Variants in RALGPS2 observed in about 807,000 individuals in gnomAD.
RALGPS2 encodes ras-specific guanine nucleotide-releasing factor RalGPS2.
A neutral mutation model predicts 86.8 loss-of-function variants in RALGPS2; 43 were observed. The ratio of observed to expected loss-of-function variants is 0.50; its 90% CI spans 0.39 to 0.64. The LOEUF (loss-of-function observed/expected upper bound fraction) is 0.64, where lower values mean the gene tolerates loss of function less well. Among genes scored for constraint, RALGPS2 ranks in the 30% least tolerant of loss-of-function variants. The probability of loss-of-function intolerance (pLI) is 0.00; values close to 1 mark genes in which losing one functional copy is unlikely to be tolerated. For missense variants in RALGPS2, 536 were observed against 694.6 expected, an observed-to-expected ratio of 0.77 and a Z score of 2.57; for synonymous variants, 243 against 231.3, an observed-to-expected ratio of 1.05 and a Z score of -0.46.
chr1:178,863,238 G>T (rs1276804764), intron 8 of RALGPS2, among the ~76,000 whole-genome samples: 2 of 152,180 alleles, frequency 1.3e-5, no homozygotes, highest in Admixed American at 1.3e-4. Context: ...TCAGTGGACT[G>T]TGTATGGGGC....
intron 15 of RALGPS2, 37 bp from the exon 16 acceptor site, chr1:178,893,882 C>T: frequency 7.3e-7 from 1 of 1,372,182 alleles, no homozygotes; most frequent in Non-Finnish European, 1.0e-6. Context: ...CTATTGTAGA[C>T]AAAAGCTCTT....
At chr1:178,799,110 G>A (rs1277408948) in intron 4 of RALGPS2, among the ~76,000 whole-genome samples, 4 of 152,184 alleles carry the variant, frequency 2.6e-5, no homozygotes, top group South Asian at 2.1e-4. Flanking sequence ...CGCGATCTCC[G>A]CTCACCACAA....
intron 8 of RALGPS2, among the ~76,000 whole-genome samples, chr1:178,871,518 T>TTTTA (rs904796530): frequency 4.7e-5 from 4 of 84,816 alleles, no homozygotes; most frequent in African/African-American, 1.6e-4. Flanking sequence ...TTTGTAAACA[T>TTTTA]TTTACTAAGT....
At chr1:178,769,474 C>T (rs973359901) in intron 1 of RALGPS2, among the ~76,000 whole-genome samples, 2 of 152,006 alleles carry the variant, frequency 1.3e-5, no homozygotes, top group Admixed American at 1.3e-4. Context: ...GGAGATCTGC[C>T]TGGGTATGAA....
chr1:178,848,786 C>T lies in RALGPS2; in HGVS notation c.607+15236C>T, dbSNP rs531007943. Among the ~76,000 whole-genome samples, 271 of 152,276 alleles carry T rather than the reference C, an allele frequency of 1.8e-3. 1 individual carries two copies. The South Asian group carries it at 0.022, about 13-fold the overall frequency. On this transcript the variant is annotated intron_variant, in intron 8 of 19. Coordinates refer to ENST00000367635, the MANE Select transcript of RALGPS2 (RefSeq NM_152663.5). ...TAGCTGGGTTTACAGGCATGTGCCACATCTGGCTAATTTTTGTGTTTTCAG... is the reference window on the plus strand; with the variant it reads ...TAGCTGGGTTTACAGGCATGTGCCATATCTGGCTAATTTTTGTGTTTTCAG...
intron 1 of RALGPS2, among the ~76,000 whole-genome samples, chr1:178,742,060 T>A (rs1322546887): frequency 6.8e-6 from 1 of 146,206 alleles, no homozygotes; most frequent in Non-Finnish European, 1.5e-5. Flanking sequence ...TGCTTGAACC[T>A]GGGAGGCAGA....
intron 1 of RALGPS2, among the ~76,000 whole-genome samples, chr1:178,760,950 A>G (rs757664206): frequency 2.0e-5 from 3 of 150,394 alleles, no homozygotes; most frequent in Non-Finnish European, 4.4e-5. Context: ...GTCAGTTTAC[A>G]TAATCCCATA....
intron 6 of RALGPS2, among the ~76,000 whole-genome samples, chr1:178,817,450 T>G (rs1655287200): frequency 6.6e-6 from 1 of 151,984 alleles, no homozygotes; most frequent in African/African-American, 2.4e-5. Context: ...CTTGATCAAA[T>G]ACGTGTAGGT....
chr1:178,853,949 G>T (rs1657357800), intron 8 of RALGPS2, among the ~76,000 whole-genome samples: 2 of 151,836 alleles, frequency 1.3e-5, no homozygotes, highest in African/African-American at 4.8e-5. Flanking sequence ...GGTGACTCCA[G>T]TTCTATCTGG....
In RALGPS2 at chr1:178,918,304, T is replaced by G. The variant is rs976585356; in HGVS notation, c.*1945T>G. The G allele has an allele frequency of 6.6e-6, 1 of 152,202 alleles. No homozygotes were observed. Among genetic ancestry groups the G allele is most frequent in the African/African-American group, 2.4e-5 (1 of 41,464 alleles). 9.4% of individuals were successfully genotyped at this position (152,202 alleles called of 1,614,324 possible). A position where few individuals can be genotyped will look rare whatever the true frequency, so the allele number is the denominator to read the frequency against. ...CTTTTGTTTTGCATTTTTAAAAATT[T>G]CTTAATTTGTTTATTTCTCTTCAGA... On this transcript the variant is annotated 3_prime_UTR_variant, in exon 20 of 20. Transcript: ENST00000367635.
At chr1:178,865,142 G>A (rs1328298793) in intron 8 of RALGPS2, 2 of 1,598,024 alleles carry the variant, frequency 1.3e-6, no homozygotes, top group South Asian at 1.1e-5. Context: ...AAGTGGGGGA[G>A]ACACATGGGT....
chr1:178,878,245 C>T (rs541647974), intron 9 of RALGPS2, among the ~76,000 whole-genome samples: 2 of 152,088 alleles, frequency 1.3e-5, no homozygotes, highest in East Asian at 3.9e-4. Context: ...TGTTTAAATA[C>T]TTCCAGTTTG....
chr1:178,873,104 A>G (rs985238185), intron 8 of RALGPS2, among the ~76,000 whole-genome samples: 1 of 152,198 alleles, frequency 6.6e-6, no homozygotes, highest in African/African-American at 2.4e-5. Flanking sequence ...AATGGTTACA[A>G]TACTGCAGAG....
intron 8 of RALGPS2, among the ~76,000 whole-genome samples, chr1:178,844,482 C>T (rs145466380): frequency 1.1e-3 from 163 of 152,268 alleles, no homozygotes; most frequent in African/African-American, 3.6e-3. Flanking sequence ...TCTCGGCTCT[C>T]AACTCATCAT....
At chr1:178,840,051 G>A (rs991946087) in intron 8 of RALGPS2, among the ~76,000 whole-genome samples, 1 of 152,054 alleles carries the variant, frequency 6.6e-6, no homozygotes, top group Non-Finnish European at 1.5e-5. Flanking sequence ...CAATAATAAT[G>A]GGAGACTTTA....
At chr1:178,877,332 GCCCCAGTAACCATAT>G (rs1166522277) in intron 8 of RALGPS2, among the ~76,000 whole-genome samples, 151 bp from the exon 9 acceptor site, 4 of 152,040 alleles carry the variant, frequency 2.6e-5, no homozygotes, top group African/African-American at 9.6e-5. Flanking sequence ...GGAAAGCTAG[GCCCCAGTAACCATAT>G]GTTACCCAGG....
intron 8 of RALGPS2, among the ~76,000 whole-genome samples, chr1:178,844,668 C>T (rs1656780323): frequency 6.6e-6 from 1 of 152,138 alleles, no homozygotes; most frequent in African/African-American, 2.4e-5. Flanking sequence ...ATCTGAAAGT[C>T]ATTAACAACA....
At position 178,836,731 on chromosome 1, in the gene RALGPS2, T is replaced by A. The variant is rs537297894; in HGVS notation, c.607+3181T>A. On this transcript the variant is annotated intron_variant, in intron 8 of 19. Coordinates refer to ENST00000367635, the MANE Select transcript of RALGPS2 (RefSeq NM_152663.5). ...CTGCTCTTACTCTACCTTTGTCTCTTAAATGTATTCTTGAGAGGTCTCAGT... is the reference window on the plus strand; with the variant it reads ...CTGCTCTTACTCTACCTTTGTCTCTAAAATGTATTCTTGAGAGGTCTCAGT... Among the ~76,000 whole-genome samples the A allele has an allele frequency of 3.3e-5, 5 of 152,320 alleles. No individual in the cohort carries two copies. The East Asian group carries it at 9.6e-4, about 29-fold the overall frequency.
chr1:178,759,142 TC>T (rs1033689573), intron 1 of RALGPS2, among the ~76,000 whole-genome samples: 1 of 152,162 alleles, frequency 6.6e-6, no homozygotes, highest in Non-Finnish European at 1.5e-5. Context: ...ATAGATTTTC[TC>T]CCAGACCAAT....
Sources: allele counts gnomAD v4.1 joint callset (sites outside exome capture counted in the v4.1 genomes callset), GRCh38; gene constraint gnomAD v4.1.1; transcripts MANE v1.5; gene names NCBI Gene and HGNC (gene_info 2026-07-23, HGNC 2026-07-21).